The following MYBBP1A variants were observed in gnomAD, a reference collection of about 807,000 sequenced individuals.
MYBBP1A encodes MYB binding protein 1a, also known as myb-binding protein 1A.
MYBBP1A carries 147 observed loss-of-function variants against 136.3 expected under a neutral mutation model. The observed-to-expected ratio is 1.08, with a 90% CI of 0.94 to 1.24. MYBBP1A has a LOEUF of 1.24. Among genes scored for constraint, MYBBP1A ranks in the 50% most tolerant of loss-of-function variants. MYBBP1A has a pLI of 0.00. For synonymous variants in MYBBP1A, 947 were observed against 735.8 expected, an observed-to-expected ratio of 1.29 and a Z score of -4.65; for missense variants, 2,060 against 1,727.4, an observed-to-expected ratio of 1.19 and a Z score of -3.41.
chr17:4,553,992 T>G (rs1195141568), intron 4 of MYBBP1A, 27 bp downstream of exon 4: 1 of 1,613,854 alleles, frequency 6.2e-7, no homozygotes. Context: ...CCAGCCTACA[T>G]TCCCCCAGTC....
chr17:4,539,969 TGAAGG>T lies in MYBBP1A; in HGVS notation c.3435-7_3435-3del, dbSNP rs768886839. ...TCCTTCTTCTCCAACTTGGGGCGCC[TGAAGG>T]GAAGTGAGCAAGGTTAGAAGGTGCC... is the stretch of plus-strand genomic sequence containing the variant. On this transcript the variant is annotated splice_polypyrimidine_tract_variant and splice_region_variant and intron_variant, in intron 25 of 25. Coordinates refer to ENST00000254718, the MANE Select transcript of MYBBP1A (RefSeq NM_014520.4). The T allele has an allele frequency of 7.5e-6, 12 of 1,597,380 alleles. No individual in the cohort carries two copies. The highest frequency in any genetic ancestry group is 8.5e-6 in the Non-Finnish European group (10 of 1,179,010).
Position 4,542,457 on chromosome 17 carries a change from C to T in MYBBP1A, c.3087+7G>A. On this transcript the variant is annotated splice_region_variant and intron_variant, in intron 22 of 25. Coordinates refer to ENST00000254718, the MANE Select transcript of MYBBP1A (RefSeq NM_014520.4). ...GGCCCTGGGCTGGGAGCTGGGAAGT[C>T]TCTCACCTGATGACGGGGCCGCACC... 1.2e-6 allele frequency: 2 copies of T among 1,604,414 alleles called. No homozygotes were observed. Among genetic ancestry groups the T allele is most frequent in the Non-Finnish European group, 8.5e-7 (1 of 1,174,294 alleles).
Position 4,539,526 on chromosome 17 carries a change from C to G in MYBBP1A, c.3876G>C (p.Leu1292=). ...PKKGVLGKSP[L]SALARKKARL... ...TTGCCTTTTTCCGTGCCAGCGCGGACAGTGGTGATTTGCCCAAGACCCCCT... is the reference window on the plus strand; with the variant it reads ...TTGCCTTTTTCCGTGCCAGCGCGGAGAGTGGTGATTTGCCCAAGACCCCCT... Residue 1292 remains leucine, a synonymous_variant, in exon 26 of 26, where the codon CTG becomes CTC. Transcript: ENST00000254718. 2 of 1,614,112 alleles carry G rather than the reference C, an allele frequency of 1.2e-6. No individual in the cohort carries two copies.
At chr17:4,543,442 C>G (rs541926523) in intron 19 of MYBBP1A, 5 of 522,966 alleles carry the variant, frequency 9.6e-6, no homozygotes, top group African/African-American at 3.8e-5. Context: ...TGGGGCACCC[C>G]TCCTGTCTAC....
At chr17:4,547,441 C>A (rs1907104872) in intron 13 of MYBBP1A, among the ~76,000 whole-genome samples, 1 of 152,200 alleles carries the variant, frequency 6.6e-6, no homozygotes, top group South Asian at 2.1e-4. Context: ...GCAAGTAAGG[C>A]AACCACAGTC....
intron 10 of MYBBP1A, 34 bp downstream of exon 10, chr17:4,549,298 C>T: frequency 1.9e-6 from 3 of 1,597,112 alleles, no homozygotes; most frequent in Non-Finnish European, 2.6e-6. Flanking sequence ...GGCCACACGC[C>T]CATGGGAAGC....
chr17:4,546,402 GGT>G (rs1314033153), intron 13 of MYBBP1A, among the ~76,000 whole-genome samples: 1 of 152,134 alleles, frequency 6.6e-6, no homozygotes, highest in Admixed American at 6.5e-5. Context: ...TGGGATTGCA[GGT>G]GTGAGCCCCC....
At chr17:4,540,509 T>TGTGGGGCCACAGAGG (rs746185241) in intron 24 of MYBBP1A, 25 bp from the exon 25 acceptor site, 352 of 1,590,166 alleles carry the variant, frequency 2.2e-4, no homozygotes, top group Non-Finnish European at 2.9e-4. Context: ...AAGGCAGAGC[T>TGTGGGGCCACAGAGG]GTGGGGCCAC....
intron 3 of MYBBP1A, 31 bp from the exon 4 acceptor site, chr17:4,554,124 G>T: frequency 6.2e-7 from 1 of 1,613,624 alleles, no homozygotes; most frequent in South Asian, 1.1e-5. Flanking sequence ...CAGGCATGAG[G>T]GGCCCTGGAA....
chr17:4,550,440 C>T (rs1012037771), intron 8 of MYBBP1A, 87 bp from the exon 9 acceptor site: 11 of 1,376,860 alleles, frequency 8.0e-6, no homozygotes, highest in African/African-American at 7.3e-5. Flanking sequence ...AGGCGGGCAA[C>T]AGCCCAACAG....
chr17:4,542,154 GCCC>G (rs1056021221), intron 22 of MYBBP1A: 31 of 583,432 alleles, frequency 5.3e-5, no homozygotes, highest in East Asian at 1.7e-4. Context: ...CCTCCAGCCT[GCCC>G]CCAACAGCCC....
At chr17:4,546,212 AG>A (rs1395307688) in intron 13 of MYBBP1A, among the ~76,000 whole-genome samples, 1 of 152,156 alleles carries the variant, frequency 6.6e-6, no homozygotes, top group African/African-American at 2.4e-5. Flanking sequence ...TCTGCCTCCC[AG>A]GTTCAAGCCA....
At chr17:4,544,462 C>T in intron 19 of MYBBP1A, 27 bp downstream of exon 19, 1 of 1,543,806 alleles carries the variant, frequency 6.5e-7, no homozygotes, top group South Asian at 1.2e-5. Context: ...CCGGCCACAC[C>T]TGCCCGCCCT....
Position 4,539,787 on chromosome 17 carries a change from G to A in MYBBP1A, c.3615C>T (p.Pro1205=). ...TCCTCTTCTTCCTGCCCATGCTGGGGGGCTGGCTCCCGCCGGTGGCTGCAG... is the reference window on the plus strand; with the variant it reads ...TCCTCTTCTTCCTGCCCATGCTGGGAGGCTGGCTCCCGCCGGTGGCTGCAG... The part of the protein sequence containing the change: ...GTPAATGGSQ[P]PSMGRKKRNR... The change falls in exon 26 of 26, where the codon CCC becomes CCT. Residue 1205 remains proline (P), a synonymous_variant. Transcript: ENST00000254718. 4 of 1,612,720 alleles carry A rather than the reference G, an allele frequency of 2.5e-6. No homozygotes were observed. The highest frequency in any genetic ancestry group is 3.4e-6 in the Non-Finnish European group (4 of 1,180,022).
At chr17:4,543,642 G>A (rs1215290904) in intron 19 of MYBBP1A, among the ~76,000 whole-genome samples, 1 of 152,134 alleles carries the variant, frequency 6.6e-6, no homozygotes, top group African/African-American at 2.4e-5. Flanking sequence ...GGCGGGCCTG[G>A]GTTTGTGAAG....
Position 4,550,191 on chromosome 17 carries a change from G to A in MYBBP1A, c.1186C>T (p.Arg396Trp), listed in dbSNP as rs773355550. 4.3e-6 allele frequency: 7 copies of A among 1,613,868 alleles called. No homozygotes were observed. Among genetic ancestry groups the A allele is most frequent in the East Asian group, 2.2e-5 (1 of 44,884 alleles). The part of the protein sequence containing the change: ...PVTPTFWRVV[R>W]FLSPPALQGY... The stretch of plus-strand genomic sequence containing the variant: ...TGCAGGGCCGGAGGGCTCAGGAACC[G>A]CACGACCCGCCAGAAAGTAGGCGTG... Residue 396 changes from arginine to tryptophan, a missense_variant, in exon 9 of 26, where the codon CGG becomes TGG. Transcript: ENST00000254718.
At chr17:4,542,088 G>C (rs1258170907) in intron 22 of MYBBP1A, 197 bp from the exon 23 acceptor site, 16 of 597,790 alleles carry the variant, frequency 2.7e-5, no homozygotes, top group Non-Finnish European at 3.9e-5. Context: ...CAGCTGGATA[G>C]AGGTGGGACC....
In MYBBP1A at chr17:4,550,226, C is replaced by T; in HGVS notation, c.1151G>A (p.Gly384Asp). The T allele has an allele frequency of 6.2e-7, 1 of 1,613,814 alleles. No individual in the cohort carries two copies. The change falls in exon 9 of 26, where the codon GGC (glycine) becomes GAC (aspartate). Residue 384 changes from glycine (G) to aspartate (D), a missense_variant. Gly to Asp is a moderately conservative substitution (Grantham distance 94). Coordinates refer to ENST00000254718, the MANE Select transcript of MYBBP1A (RefSeq NM_014520.4). The part of the protein sequence containing the change: ...LVAFSSVTNQ[G>D]LPVTPTFWRV... The stretch of plus-strand genomic sequence containing the variant: ...CCAGAAAGTAGGCGTGACAGGGAGG[C>T]CTTGGTTGGTGACAGATGAGAAGGC...
At chr17:4,554,721 T>C (rs920088626) in intron 2 of MYBBP1A, 140 bp downstream of exon 2, 6 of 729,518 alleles carry the variant, frequency 8.2e-6, no homozygotes, top group Admixed American at 5.2e-5. Context: ...CTCCCTCAGG[T>C]TGGCCTCCAG....
Sources: allele counts gnomAD v4.1 joint callset (sites outside exome capture counted in the v4.1 genomes callset), GRCh38; gene constraint gnomAD v4.1.1; transcripts MANE v1.5; gene names NCBI Gene and HGNC (gene_info 2026-07-23, HGNC 2026-07-21).